The following CDYL variants were observed in gnomAD, a reference collection of about 807,000 sequenced individuals.
The protein encoded by CDYL is chromodomain Y like, also known as chromodomain Y-like protein.
A neutral mutation model predicts 47.3 loss-of-function variants in CDYL; 8 were observed. That is an observed-to-expected ratio of 0.17 (90% CI 0.10 to 0.31). The LOEUF (loss-of-function observed/expected upper bound fraction) is 0.31, where lower values mean the gene tolerates loss of function less well. CDYL is among the 10% of genes least tolerant of loss of function. The pLI, the probability that CDYL is intolerant of heterozygous loss-of-function variation, is 1.00. For synonymous variants in CDYL, 266 were observed against 265.0 expected (o/e 1.00, Z -0.04); for missense variants, 471 against 701.4 (o/e 0.67, Z 3.71).
At chr6:4,940,774 T>TGCCCAAGCAGTGCCCC (rs1244993115) in intron 4 of CDYL, among the ~76,000 whole-genome samples, 2 of 152,226 alleles carry the variant, frequency 1.3e-5, no homozygotes, top group Non-Finnish European at 2.9e-5. Flanking sequence ...CCGGGGGCCC[T>TGCCCAAGCAGTGCCCC]GCCCAAGCAG....
chr6:4,787,310 C>T (rs985889624), intron 1 of CDYL, among the ~76,000 whole-genome samples: 1 of 152,138 alleles, frequency 6.6e-6, no homozygotes, highest in Non-Finnish European at 1.5e-5. Context: ...TGCACCTAGA[C>T]GAGTCAGAGT....
chr6:4,915,186 T>C (rs1447104033), intron 2 of CDYL, among the ~76,000 whole-genome samples: 3 of 152,244 alleles, frequency 2.0e-5, no homozygotes, highest in Non-Finnish European at 4.4e-5. Context: ...AAATCCATGA[T>C]GATGAATAAA....
intron 1 of CDYL, among the ~76,000 whole-genome samples, chr6:4,881,004 G>A (rs1032983687): frequency 2.0e-5 from 3 of 152,014 alleles, no homozygotes; most frequent in Non-Finnish European, 4.4e-5. Context: ...TATTTACATA[G>A]CATTTTCTTT....
At chr6:4,841,765 C>A (rs1204136637) in intron 1 of CDYL, among the ~76,000 whole-genome samples, 2 of 151,706 alleles carry the variant, frequency 1.3e-5, no homozygotes, top group Non-Finnish European at 1.5e-5. Context: ...GAGTACCTGA[C>A]ATAGTTTAGA....
chr6:4,857,447 G>C (rs1761043306), intron 1 of CDYL, among the ~76,000 whole-genome samples: 1 of 152,190 alleles, frequency 6.6e-6, no homozygotes, highest in South Asian at 2.1e-4. Flanking sequence ...AAAATATGCT[G>C]AAATTCTTGA....
chr6:4,779,884 A>T (rs1581161638), intron 1 of CDYL, among the ~76,000 whole-genome samples: 1 of 152,180 alleles, frequency 6.6e-6, no homozygotes, highest in African/African-American at 2.4e-5. Context: ...CTGTGTCTCA[A>T]ACTGCTTATG....
At chr6:4,792,479 T>A (rs1758953096) in intron 1 of CDYL, among the ~76,000 whole-genome samples, 1 of 151,714 alleles carries the variant, frequency 6.6e-6, no homozygotes, top group African/African-American at 2.4e-5. Context: ...TTGCCCAGGC[T>A]GGAGTGCAGT....
chr6:4,898,986 A>T (rs1487637043), intron 2 of CDYL, among the ~76,000 whole-genome samples: 1 of 152,170 alleles, frequency 6.6e-6, no homozygotes, highest in Non-Finnish European at 1.5e-5. Flanking sequence ...TACTGTTACC[A>T]CTTTGGATTT....
intron 2 of CDYL, among the ~76,000 whole-genome samples, chr6:4,924,334 T>C (rs916016170): frequency 1.9e-4 from 29 of 152,240 alleles, no homozygotes; most frequent in African/African-American, 6.8e-4. Context: ...TTCAGAATGC[T>C]CCCTAAGCCT....
At chr6:4,824,105 C>T (rs1487385905) in intron 1 of CDYL, among the ~76,000 whole-genome samples, 9 of 152,184 alleles carry the variant, frequency 5.9e-5, no homozygotes, top group African/African-American at 2.2e-4. Context: ...TACATAGATA[C>T]ACCACATTTT....
At chr6:4,864,030 G>A (rs915819257) in intron 1 of CDYL, among the ~76,000 whole-genome samples, 2 of 152,186 alleles carry the variant, frequency 1.3e-5, no homozygotes, top group Non-Finnish European at 2.9e-5. Context: ...GGCACAGAGG[G>A]AGAAAGAGAG....
intron 1 of CDYL, among the ~76,000 whole-genome samples, chr6:4,846,905 G>C (rs773591436): frequency 6.6e-6 from 1 of 152,150 alleles, no homozygotes; most frequent in Non-Finnish European, 1.5e-5. Context: ...TCTGTAATTT[G>C]GATAGTTCTA....
intron 3 of CDYL, among the ~76,000 whole-genome samples, chr6:4,750,443 C>T (rs913116480): frequency 6.6e-6 from 1 of 151,884 alleles, no homozygotes; most frequent in Non-Finnish European, 1.5e-5. Flanking sequence ...CTCAACTGAC[C>T]CACCTGCCTC....
At chr6:4,734,970 T>C in intron 3 of CDYL, 1 of 1,447,292 alleles carries the variant, frequency 6.9e-7, no homozygotes. Context: ...TTTGGTGGTC[T>C]GGTGAAGCTG....
chr6:4,892,558 G>A (rs187471942), intron 2 of CDYL, among the ~76,000 whole-genome samples, 179 bp downstream of exon 2: 148 of 152,226 alleles, frequency 9.7e-4, no homozygotes, highest in Non-Finnish European at 1.7e-3. Context: ...CTCTTAATTC[G>A]GCAACTAGTT....
In CDYL at chr6:4,902,442, C is replaced by G. The variant is rs143147842; in HGVS notation, c.691+10063C>G. Reference sequence around the variant, plus strand: ...AAAAAGACAGTAGGTACTGAGCAAGCCTGGACAATCATACTTTGAATTAAT... The same window carrying G: ...AAAAAGACAGTAGGTACTGAGCAAGGCTGGACAATCATACTTTGAATTAAT... On this transcript the variant is annotated intron_variant, in intron 2 of 6. Transcript: ENST00000397588. Among the ~76,000 whole-genome samples, 295 of 151,624 alleles carry G rather than the reference C, an allele frequency of 1.9e-3. 1 individual carries two copies. The highest frequency in any genetic ancestry group is 6.9e-3 in the African/African-American group (284 of 41,354).
chr6:4,759,593 T>C (rs1052794677), intron 3 of CDYL, among the ~76,000 whole-genome samples: 3 of 151,958 alleles, frequency 2.0e-5, no homozygotes, highest in Admixed American at 1.3e-4. Context: ...TTAGAAATTG[T>C]AGGACTTGGT....
chr6:4,904,699 T>G (rs1757174123), intron 2 of CDYL, among the ~76,000 whole-genome samples: 1 of 152,188 alleles, frequency 6.6e-6, no homozygotes. Context: ...TCAGTCATAG[T>G]CATCTCTCAT....
intron 2 of CDYL, among the ~76,000 whole-genome samples, chr6:4,723,100 T>A (rs1036808498): frequency 6.6e-6 from 1 of 152,082 alleles, no homozygotes; most frequent in Non-Finnish European, 1.5e-5. Flanking sequence ...CAACCATGGA[T>A]CTAAAATATT....
Sources: gnomAD v4.1 joint callset for allele counts (sites outside exome capture counted in the v4.1 genomes callset) on GRCh38, gnomAD v4.1.1 for gene constraint, MANE v1.5 for transcripts, NCBI Gene and HGNC (gene_info 2026-07-23, HGNC 2026-07-21) for gene names.